PCDH15: variants seen among roughly 807,000 people sequenced by gnomAD.
PCDH15 encodes protocadherin-15.
Under a neutral mutation model 178.5 loss-of-function variants are expected in PCDH15, and 129 were observed. The observed-to-expected ratio is 0.72, with a 90% confidence interval of 0.63 to 0.84. PCDH15 has a LOEUF of 0.84. Ranked by LOEUF, PCDH15 falls within the 40% of genes least tolerant of loss-of-function variation. PCDH15 has a pLI of 0.00. For synonymous variants in PCDH15, 800 were observed against 732.0 expected, an observed-to-expected ratio of 1.09 and a Z score of -1.50; for missense variants, 2,230 against 2,099.9, an observed-to-expected ratio of 1.06 and a Z score of -1.21.
intron 1 of PCDH15, among the ~76,000 whole-genome samples, chr10:54,775,562 T>C (rs1949598394): frequency 6.6e-6 from 1 of 152,230 alleles, no homozygotes. Flanking sequence ...TATAAAATAT[T>C]AGAACTTGAT....
At chr10:54,119,536 AGAG>A (rs1564464372) in intron 15 of PCDH15, among the ~76,000 whole-genome samples, 4 of 152,110 alleles carry the variant, frequency 2.6e-5, no homozygotes, top group African/African-American at 9.7e-5. Flanking sequence ...CATTTCTGAG[AGAG>A]AAAGAGAAAA....
At chr10:54,087,594 A>G (rs1263664643) in intron 16 of PCDH15, among the ~76,000 whole-genome samples, 3 of 152,190 alleles carry the variant, frequency 2.0e-5, no homozygotes, top group Non-Finnish European at 2.9e-5. Context: ...ACCATTGTAA[A>G]TAATTCTTTT....
chr10:55,258,513 A>T (rs1469065602), intron 1 of PCDH15, among the ~76,000 whole-genome samples: 1 of 152,138 alleles, frequency 6.6e-6, no homozygotes, highest in Non-Finnish European at 1.5e-5. Flanking sequence ...AACTTGCTTC[A>T]ATCTCTTTTT....
intron 5 of PCDH15, among the ~76,000 whole-genome samples, chr10:54,363,209 TAAC>T (rs1436084143): frequency 6.6e-6 from 1 of 152,120 alleles, no homozygotes; most frequent in African/African-American, 2.4e-5. Flanking sequence ...GTAGATATCA[TAAC>T]AAAAAGCAAA....
intron 2 of PCDH15, among the ~76,000 whole-genome samples, chr10:55,541,657 C>T (rs915683416): frequency 6.6e-6 from 1 of 151,830 alleles, no homozygotes; most frequent in African/African-American, 2.4e-5. Context: ...TTTTCAGAAA[C>T]AACTGAACTA....
Position 53,987,204 on chromosome 10 carries a change from T to G in PCDH15, c.2868+8445A>C, listed in dbSNP as rs186140094. Among the ~76,000 whole-genome samples the G allele has an allele frequency of 3.4e-4, 52 of 152,214 alleles. 1 individual carries two copies. In the East Asian group the frequency reaches 7.7e-3, roughly 23 times the overall value. On this transcript the variant is annotated intron_variant, in intron 21 of 37. Coordinates refer to ENST00000644397, the MANE Select transcript of PCDH15 (RefSeq NM_001384140.1). ...AGAAAAATTAATTTGGCTTCACACT[T>G]TATAATTTATTAAATAATAAAAACA...
chr10:54,940,506 G>T (rs1284325919), intron 2 of PCDH15, among the ~76,000 whole-genome samples: 1 of 152,162 alleles, frequency 6.6e-6, no homozygotes, highest in African/African-American at 2.4e-5. Flanking sequence ...GTGCTGTATT[G>T]GATAGGTTAT....
chr10:53,837,750 A>AACACAC (rs146785616), intron 29 of PCDH15, among the ~76,000 whole-genome samples: 3 of 149,888 alleles, frequency 2.0e-5, no homozygotes, highest in East Asian at 4.0e-4. Flanking sequence ...AGCCTTGGAA[A>AACACAC]ACACACACAC....
intron 2 of PCDH15, among the ~76,000 whole-genome samples, chr10:54,568,275 C>G (rs1451819524): frequency 6.6e-6 from 1 of 151,884 alleles, no homozygotes; most frequent in Non-Finnish European, 1.5e-5. Context: ...CCTTTAGTTC[C>G]TGTCTCTACT....
intron 2 of PCDH15, among the ~76,000 whole-genome samples, chr10:55,507,632 G>A (rs1249922065): frequency 2.0e-5 from 3 of 151,246 alleles, no homozygotes. Context: ...TCTCCCATTT[G>A]AATATAAACA....
intron 3 of PCDH15, among the ~76,000 whole-genome samples, chr10:54,880,126 C>T (rs1954234528): frequency 6.6e-6 from 1 of 152,102 alleles, no homozygotes; most frequent in South Asian, 2.1e-4. Flanking sequence ...CTACACCCAT[C>T]ATTATCATCA....
chr10:54,226,903 G>A (rs1267562089), intron 9 of PCDH15, among the ~76,000 whole-genome samples: 1 of 152,170 alleles, frequency 6.6e-6, no homozygotes, highest in Non-Finnish European at 1.5e-5. Flanking sequence ...GATCTCCTTT[G>A]ACTCCATGTC....
At chr10:54,940,803 A>T (rs1838041840) in intron 2 of PCDH15, among the ~76,000 whole-genome samples, 1 of 151,782 alleles carries the variant, frequency 6.6e-6, no homozygotes, top group South Asian at 2.1e-4. Flanking sequence ...GGTAATTAAA[A>T]AAAAACTTTT....
intron 8 of PCDH15, among the ~76,000 whole-genome samples, chr10:54,269,550 GA>G (rs2057914587): frequency 6.6e-6 from 1 of 151,958 alleles, no homozygotes; most frequent in South Asian, 2.1e-4. Context: ...GAAGCCAAAT[GA>G]AATGCATTAT....
At chr10:54,269,867 T>C (rs559596678) in intron 8 of PCDH15, among the ~76,000 whole-genome samples, 1 of 152,030 alleles carries the variant, frequency 6.6e-6, no homozygotes, top group Non-Finnish European at 1.5e-5. Flanking sequence ...GACCCATAAA[T>C]ATTCTAAAAA....
At chr10:54,940,521 T>C (rs1040382822) in intron 2 of PCDH15, among the ~76,000 whole-genome samples, 2 of 152,272 alleles carry the variant, frequency 1.3e-5, no homozygotes, top group Non-Finnish European at 1.5e-5. Flanking sequence ...GGTTATTCTG[T>C]AGGTCTCTCT....
At chr10:55,316,592 G>A (rs2132294588) in intron 1 of PCDH15, among the ~76,000 whole-genome samples, 1 of 152,118 alleles carries the variant, frequency 6.6e-6, no homozygotes, top group East Asian at 1.9e-4. Context: ...GCTTCAGCTT[G>A]TATTTGTTTT....
intron 8 of PCDH15, among the ~76,000 whole-genome samples, chr10:54,315,861 T>C (rs10825303): frequency 0.45 from 68,479 of 151,828 alleles, 16,170 homozygotes; most frequent in Middle Eastern, 0.6. Flanking sequence ...AAAAATTATG[T>C]TTGTCATCAT....
intron 24 of PCDH15, among the ~76,000 whole-genome samples, chr10:53,940,426 C>A (rs536868888): frequency 6.2e-4 from 94 of 152,208 alleles, no homozygotes; most frequent in African/African-American, 2.1e-3. Flanking sequence ...AAATTCACAA[C>A]TTATTTACAA....
Sources: gnomAD v4.1 joint callset for allele counts (sites outside exome capture counted in the v4.1 genomes callset) on GRCh38, gnomAD v4.1.1 for gene constraint, MANE v1.5 for transcripts, NCBI Gene and HGNC (gene_info 2026-07-23, HGNC 2026-07-21) for gene names.